The following KNDC1 variants were observed in gnomAD, a reference collection of about 807,000 sequenced individuals.
KNDC1 encodes the protein kinase non-catalytic C-lobe domain-containing protein 1.
KNDC1 carries 106 observed loss-of-function variants against 172.8 expected under a neutral mutation model. The observed-to-expected ratio is 0.61, with a 90% confidence interval of 0.52 to 0.72. The LOEUF is 0.72. KNDC1 is among the 30% of genes least tolerant of loss of function. The pLI, the probability that KNDC1 is intolerant of heterozygous loss-of-function variation, is 0.00. For missense variants in KNDC1, 2,325 were observed against 2,394.5 expected (o/e 0.97, Z 0.61); for synonymous variants, 1,083 against 1,062.2 (o/e 1.02, Z -0.38).
chr10:133,187,276 C>T (rs915481364), intron 6 of KNDC1, among the ~76,000 whole-genome samples: 3 of 152,238 alleles, frequency 2.0e-5, no homozygotes, highest in Non-Finnish European at 2.9e-5. Flanking sequence ...CTGCTCCTCA[C>T]GAGGGATGGA....
chr10:133,217,397 G>A (rs1339832067), intron 26 of KNDC1, among the ~76,000 whole-genome samples: 1 of 152,240 alleles, frequency 6.6e-6, no homozygotes, highest in African/African-American at 2.4e-5. Flanking sequence ...CACATGAGGC[G>A]CCTTCAGCTG....
At chr10:133,181,582 G>A (rs2135969099) in intron 3 of KNDC1, among the ~76,000 whole-genome samples, 1 of 152,318 alleles carries the variant, frequency 6.6e-6, no homozygotes, top group South Asian at 2.1e-4. Context: ...GCACCAGGCA[G>A]GGTGCAGGAG....
intron 7 of KNDC1, among the ~76,000 whole-genome samples, chr10:133,189,298 CGG>C (rs1854013718): frequency 6.6e-6 from 1 of 152,162 alleles, no homozygotes; most frequent in Admixed American, 6.5e-5. Context: ...GCCTGTGACA[CGG>C]GGGCTTCAAG....
At chr10:133,212,673 G>A in intron 23 of KNDC1, 43 bp from the exon 24 acceptor site, 1 of 1,567,304 alleles carries the variant, frequency 6.4e-7, no homozygotes, top group Non-Finnish European at 8.7e-7. Flanking sequence ...GACCCAGAGG[G>A]GACACGGAGC....
chr10:133,187,088 C>T (rs1320516846), intron 6 of KNDC1, among the ~76,000 whole-genome samples: 2 of 152,244 alleles, frequency 1.3e-5, no homozygotes, highest in South Asian at 2.1e-4. Context: ...CCTATTCTGA[C>T]GGTTTAAAAG....
At chr10:133,215,662 C>T (rs1157065978) in intron 26 of KNDC1, among the ~76,000 whole-genome samples, 3 of 152,284 alleles carry the variant, frequency 2.0e-5, no homozygotes, top group African/African-American at 7.2e-5. Flanking sequence ...CAACCCACAT[C>T]GTCCTGGGCG....
intron 1 of KNDC1, among the ~76,000 whole-genome samples, chr10:133,164,783 C>T (rs1217650483): frequency 2.6e-5 from 4 of 152,192 alleles, no homozygotes; most frequent in African/African-American, 9.6e-5. Flanking sequence ...AGCTCCCGAC[C>T]TTGAGGGTGG....
chr10:133,212,101 G>A lies in KNDC1; in HGVS notation c.4236+243G>A, dbSNP rs114452566. Reference sequence around the variant, plus strand: ...CTTCACACAATCCACACGTGCACATGCGTGCACACTCAATCCACACGTGCA... The same window carrying A: ...CTTCACACAATCCACACGTGCACATACGTGCACACTCAATCCACACGTGCA... On this transcript the variant is annotated intron_variant, in intron 23 of 29. Coordinates refer to ENST00000304613, the MANE Select transcript of KNDC1 (RefSeq NM_152643.8). Among the ~76,000 whole-genome samples, 306 of 150,634 alleles carry A rather than the reference G, an allele frequency of 2.0e-3. 3 individuals carry two copies. Among genetic ancestry groups the A allele is most frequent in the African/African-American group, 6.9e-3 (281 of 40,900 alleles).
In KNDC1 at chr10:133,195,667, C is replaced by G; in HGVS notation, c.1580C>G (p.Ser527Cys). The G allele has an allele frequency of 6.2e-7, 1 of 1,607,076 alleles. No individual in the cohort carries two copies. The highest frequency in any genetic ancestry group is 1.1e-5 in the South Asian group (1 of 90,068). Reference protein sequence around the residue: ...AEERLVTEKASVYCVAAVLWT... With the variant: ...AEERLVTEKACVYCVAAVLWT... ...ATTCTCTCCCCACCCGCCCAGGCCT[C>G]TGTGTACTGTGTGGCCGCCGTTCTG... Residue 527 changes from serine (S) to cysteine (C), a missense_variant, in exon 10 of 30, where the codon TCT (serine) becomes TGT (cysteine). Transcript: ENST00000304613.
chr10:133,200,409 A>G lies in KNDC1; in HGVS notation c.2938A>G (p.Ser980Gly). 6.3e-7 allele frequency: 1 copy of G among 1,598,764 alleles called. No homozygotes were observed. Among genetic ancestry groups the G allele is most frequent in the South Asian group, 1.1e-5 (1 of 89,256 alleles). Residue 980 changes from serine (S) to glycine (G), a missense_variant, in exon 16 of 30, where the codon AGC (serine) becomes GGC (glycine). Ser to Gly is a moderately conservative substitution (Grantham distance 56, BLOSUM62 0). Coordinates refer to ENST00000304613, the MANE Select transcript of KNDC1 (RefSeq NM_152643.8). The stretch of plus-strand genomic sequence containing the variant: ...GGAGGCTGGGTCACAGCTCGAGGGC[A>G]GCCAAAGCCCCCGCTCCCCGTCCAG... ...AEEAGSQLEG[S>G]QSPRSPSSKR...
intron 1 of KNDC1, among the ~76,000 whole-genome samples, chr10:133,165,825 G>A (rs1398356058): frequency 6.6e-6 from 1 of 152,168 alleles, no homozygotes; most frequent in Non-Finnish European, 1.5e-5. Flanking sequence ...GCAGGCTTGA[G>A]CCCAAATCAA....
Position 133,214,257 on chromosome 10 carries a change from C to T in KNDC1, c.4677+135C>T, listed in dbSNP as rs147665255. 925 of 959,256 alleles carry T rather than the reference C, an allele frequency of 9.6e-4. 11 individuals are homozygous for T. In the African/African-American group the frequency reaches 0.014, roughly 14 times the overall value. The allele number at this position is 959,256 out of a possible 1,614,324, so 59.4% of individuals were successfully genotyped here. On this transcript the variant is annotated intron_variant, in intron 26 of 29. Transcript: ENST00000304613. ...CCCAACTCTGTGTCCCTTGGAACCA[C>T]ACCCGACCCAAGGCTGAGGGGAGCA... is the stretch of plus-strand genomic sequence containing the variant.
chr10:133,173,957 C>CCT (rs1189729559), intron 3 of KNDC1: 2 of 152,296 alleles, frequency 1.3e-5, no homozygotes, highest in Non-Finnish European at 2.9e-5. Context: ...CTCCCCTCTC[C>CCT]ACCCCGCTGC....
chr10:133,218,060 A>C (rs1347131115), intron 26 of KNDC1, among the ~76,000 whole-genome samples: 2 of 114,482 alleles, frequency 1.7e-5, no homozygotes, highest in South Asian at 2.5e-4. Context: ...ACTCCATCTC[A>C]AAAAAAAAAA....
At chr10:133,207,062 G>A in intron 19 of KNDC1, 75 bp from the exon 20 acceptor site, 1 of 1,527,858 alleles carries the variant, frequency 6.5e-7, no homozygotes, top group Non-Finnish European at 8.9e-7. Context: ...AAGGGGCCCT[G>A]ATTTGAGGGT....
Position 133,199,100 on chromosome 10 carries a change from A to G in KNDC1, c.2592A>G (p.Pro864=). ...ATGACCAGAGTCCAGACAGTGTCCCAGAGAGGCCGCGGCCCGCAGACCGGA... is the reference window on the plus strand; with the variant it reads ...ATGACCAGAGTCCAGACAGTGTCCCGGAGAGGCCGCGGCCCGCAGACCGGA... ...ERDDQSPDSV[P]ERPRPADRRL... The change falls in exon 14 of 30, where the codon CCA becomes CCG. Residue 864 remains proline, a synonymous_variant. Transcript: ENST00000304613. 6.2e-7 allele frequency: 1 copy of G among 1,608,762 alleles called. No homozygotes were observed. Among genetic ancestry groups the G allele is most frequent in the Non-Finnish European group, 8.5e-7 (1 of 1,178,340 alleles).
intron 29 of KNDC1, among the ~76,000 whole-genome samples, chr10:133,223,074 A>T (rs80306025): frequency 0.018 from 36 of 1,950 alleles, 4 homozygotes; most frequent in Non-Finnish European, 0.037. Context: ...TGTGTGTGTG[A>T]GAGCCCATCC....
At chr10:133,200,483 G>A (rs1173080996) in intron 16 of KNDC1, 23 bp downstream of exon 16, 19 of 1,494,188 alleles carry the variant, frequency 1.3e-5, no homozygotes, top group Non-Finnish European at 1.4e-5. Flanking sequence ...CGGGCCCCGC[G>A]GCAGGAGCTC....
chr10:133,182,954 GGCGGTGTGGGCACAGGC>G (rs1471569767), intron 3 of KNDC1, among the ~76,000 whole-genome samples: 1 of 143,836 alleles, frequency 7.0e-6, no homozygotes, highest in Non-Finnish European at 1.6e-5. Flanking sequence ...TGTGGGCACA[GGCGGTGTGGGCACAGGC>G]GGTGTGGGCA....
Sources: gnomAD v4.1 joint callset for allele counts (sites outside exome capture counted in the v4.1 genomes callset) on GRCh38, gnomAD v4.1.1 for gene constraint, MANE v1.5 for transcripts, NCBI Gene and HGNC (gene_info 2026-07-23, HGNC 2026-07-21) for gene names.